The following PCDH15 variants were observed in gnomAD, a reference collection of about 807,000 sequenced individuals.
PCDH15 encodes protocadherin-15.
PCDH15 carries 129 observed loss-of-function variants against 178.5 expected under a neutral mutation model. That is an observed-to-expected ratio of 0.72 (90% CI 0.63 to 0.84). PCDH15 has a LOEUF of 0.84. Among genes scored for constraint, PCDH15 ranks in the 40% least tolerant of loss-of-function variants. The probability of loss-of-function intolerance (pLI) is 0.00; values close to 1 mark genes in which losing one functional copy is unlikely to be tolerated. For missense variants in PCDH15, 2,230 were observed against 2,099.9 expected, an observed-to-expected ratio of 1.06 and a Z score of -1.21; for synonymous variants, 800 against 732.0, an observed-to-expected ratio of 1.09 and a Z score of -1.50.
intron 32 of PCDH15, chr10:53,823,219 T>C (rs1564539883): frequency 6.2e-7 from 1 of 1,614,068 alleles, no homozygotes; most frequent in Non-Finnish European, 8.5e-7. Flanking sequence ...TTGTTGCTCT[T>C]AAGTGATCCG....
chr10:55,283,344 C>G (rs1287853752), intron 1 of PCDH15, among the ~76,000 whole-genome samples: 1 of 151,930 alleles, frequency 6.6e-6, no homozygotes, highest in African/African-American at 2.4e-5. Flanking sequence ...CTAAATGGTG[C>G]CTTAACCACC....
intron 16 of PCDH15, 45 bp downstream of exon 16, chr10:54,089,939 C>T (rs370007431): frequency 6.1e-5 from 87 of 1,419,060 alleles, no homozygotes; most frequent in Non-Finnish European, 7.1e-5. Flanking sequence ...ACTAACAGTA[C>T]GTTGCTGTAC....
chr10:54,473,171 T>C (rs2078038229), intron 3 of PCDH15, among the ~76,000 whole-genome samples: 1 of 152,048 alleles, frequency 6.6e-6, no homozygotes, highest in Admixed American at 6.6e-5. Flanking sequence ...TAGCTTAAAG[T>C]GAATGCAAAC....
intron 1 of PCDH15, among the ~76,000 whole-genome samples, chr10:54,796,288 ATC>A (rs1951997046): frequency 1.4e-5 from 2 of 144,796 alleles, no homozygotes; most frequent in South Asian, 4.3e-4. Context: ...CTATGTATCT[ATC>A]TATCTATCTA....
At chr10:54,326,481 T>C (rs1247583554) in intron 7 of PCDH15, among the ~76,000 whole-genome samples, 1 of 152,200 alleles carries the variant, frequency 6.6e-6, no homozygotes, top group African/African-American at 2.4e-5. Flanking sequence ...TAGTGATTTA[T>C]ATAATACTGT....
intron 3 of PCDH15, among the ~76,000 whole-genome samples, chr10:54,892,457 T>C (rs1020639446): frequency 2.5e-4 from 38 of 151,482 alleles, no homozygotes; most frequent in African/African-American, 7.0e-4. Context: ...CAGTATCTAG[T>C]AAAGTAAAAA....
At chr10:54,263,988 TGGATGCTTCCA>T (rs900517808) in intron 8 of PCDH15, among the ~76,000 whole-genome samples, 1 of 152,116 alleles carries the variant, frequency 6.6e-6, no homozygotes, top group Non-Finnish European at 1.5e-5. Context: ...TATCCCATGC[TGGATGCTTCCA>T]GTTCTTCAGA....
At chr10:55,495,286 C>G (rs112027938) in intron 2 of PCDH15, among the ~76,000 whole-genome samples, 102 of 151,534 alleles carry the variant, frequency 6.7e-4, no homozygotes, top group Non-Finnish European at 4.0e-4. Context: ...AATTAAAAAC[C>G]CTTATGCTAC....
intron 1 of PCDH15, among the ~76,000 whole-genome samples, chr10:55,318,632 G>T (rs560530833): frequency 2.0e-5 from 3 of 152,192 alleles, no homozygotes; most frequent in African/African-American, 7.2e-5. Context: ...AAAAGGTAAA[G>T]TTAGAAGATG....
intron 1 of PCDH15, among the ~76,000 whole-genome samples, chr10:55,235,906 C>CAAAAAAAAA (rs144784085): frequency 8.6e-6 from 1 of 115,636 alleles, no homozygotes. Context: ...GACTCCATGT[C>CAAAAAAAAA]AAAAAAAAAA....
chr10:54,142,785 AT>A (rs2133198097), intron 14 of PCDH15, among the ~76,000 whole-genome samples: 1 of 152,232 alleles, frequency 6.6e-6, no homozygotes, highest in African/African-American at 2.4e-5. Context: ...CAAAAATTTC[AT>A]GTAAGAGGAA....
chr10:55,115,148 A>T (rs986392675), intron 2 of PCDH15, among the ~76,000 whole-genome samples: 1 of 152,168 alleles, frequency 6.6e-6, no homozygotes, highest in Non-Finnish European at 1.5e-5. Flanking sequence ...TCCTCCTGTT[A>T]ATTATAAATG....
At chr10:54,622,016 T>C (rs2093363792) in intron 2 of PCDH15, among the ~76,000 whole-genome samples, 1 of 151,994 alleles carries the variant, frequency 6.6e-6, no homozygotes, top group Admixed American at 6.6e-5. Context: ...GAATGAGAAT[T>C]TAAGTTTCCT....
chr10:54,170,551 A>G (rs10825253), intron 13 of PCDH15, among the ~76,000 whole-genome samples: 47,675 of 150,270 alleles, frequency 0.32, 8,320 homozygotes, highest in African/African-American at 0.41. Flanking sequence ...TCCTTCAGCT[A>G]TACTCACTCT....
intron 10 of PCDH15, among the ~76,000 whole-genome samples, chr10:54,210,676 A>G (rs541645004): frequency 1.3e-5 from 2 of 152,028 alleles, no homozygotes; most frequent in Non-Finnish European, 2.9e-5. Flanking sequence ...GATGTCAGAA[A>G]GAGCATGGTC....
chr10:54,108,760 A>G (rs1309138825), intron 15 of PCDH15, among the ~76,000 whole-genome samples: 4 of 152,154 alleles, frequency 2.6e-5, no homozygotes, highest in Non-Finnish European at 4.4e-5. Flanking sequence ...AGAAGAGGGA[A>G]TTGTAAAGGG....
chr10:55,438,441 A>G (rs1839100050), intron 2 of PCDH15, among the ~76,000 whole-genome samples: 1 of 152,198 alleles, frequency 6.6e-6, no homozygotes, highest in South Asian at 2.1e-4. Context: ...TTATAGCTTT[A>G]TTAAATAAGA....
intron 20 of PCDH15, among the ~76,000 whole-genome samples, chr10:54,008,323 C>A (rs1224735399): frequency 6.6e-6 from 1 of 152,122 alleles, no homozygotes; most frequent in African/African-American, 2.4e-5. Flanking sequence ...ACGAATTAAA[C>A]CAACACTCTT....
intron 2 of PCDH15, among the ~76,000 whole-genome samples, chr10:55,366,410 T>G (rs1460833886): frequency 2.6e-5 from 4 of 152,178 alleles, no homozygotes; most frequent in Non-Finnish European, 5.9e-5. Flanking sequence ...AATAATAAAT[T>G]TGAATCCATA....
Sources: gnomAD v4.1 joint callset for allele counts (sites outside exome capture counted in the v4.1 genomes callset) on GRCh38, gnomAD v4.1.1 for gene constraint, MANE v1.5 for transcripts, NCBI Gene and HGNC (gene_info 2026-07-23, HGNC 2026-07-21) for gene names.